IQCK: variants seen among roughly 807,000 people sequenced by gnomAD.
IQCK encodes the protein IQ motif containing K.
IQCK carries 29 observed loss-of-function variants against 28.1 expected under a neutral mutation model. The observed-to-expected ratio is 1.03, with a 90% CI of 0.77 to 1.41. The LOEUF (loss-of-function observed/expected upper bound fraction) is 1.41. Among genes scored for constraint, IQCK ranks in the 40% most tolerant of loss-of-function variants. The pLI is 0.00. For missense variants in IQCK, 359 were observed against 314.7 expected, an observed-to-expected ratio of 1.14 and a Z score of -1.07; for synonymous variants, 113 against 115.1, an observed-to-expected ratio of 0.98 and a Z score of 0.12.
At chr16:19,771,737 C>G (rs889269809) in intron 6 of IQCK, among the ~76,000 whole-genome samples, 1 of 151,992 alleles carries the variant, frequency 6.6e-6, no homozygotes, top group Non-Finnish European at 1.5e-5. Flanking sequence ...TGTAAGTATT[C>G]CTCTGAGACC....
At chr16:19,837,913 T>G (rs1314558013) in intron 9 of IQCK, among the ~76,000 whole-genome samples, 1 of 152,234 alleles carries the variant, frequency 6.6e-6, no homozygotes, top group East Asian at 1.9e-4. Context: ...GCGAGGCTCT[T>G]CTCACTAATG....
Position 19,753,461 on chromosome 16 carries a change from C to T in IQCK, c.475-10387C>T, listed in dbSNP as rs1210225457. On this transcript the variant is annotated intron_variant, in intron 4 of 7. Transcript: ENST00000564186. ...ATAAATAAATAAATAAACATACCTG[C>T]TTTGGAATAGGTCCTTGGAACTAGG... Among the ~76,000 whole-genome samples, 4 of 151,970 alleles carry T rather than the reference C, an allele frequency of 2.6e-5. 1 individual carries two copies. The highest frequency in any genetic ancestry group is 2.0e-4 in the Admixed American group (3 of 15,230).
intron 9 of IQCK, among the ~76,000 whole-genome samples, chr16:19,854,627 A>G (rs1427078018): frequency 1.3e-5 from 2 of 152,064 alleles, no homozygotes; most frequent in Admixed American, 1.3e-4. Context: ...TGACCTGTGT[A>G]CCTCCCTGGG....
At chr16:19,767,511 GTGCCTGTGC>G (rs1219189791) in intron 6 of IQCK, among the ~76,000 whole-genome samples, 3 of 152,064 alleles carry the variant, frequency 2.0e-5, no homozygotes, top group African/African-American at 7.2e-5. Flanking sequence ...GTCCTGCCAG[GTGCCTGTGC>G]CTGCCGTGTG....
chr16:19,727,362 G>A (rs1004434457), intron 1 of IQCK, among the ~76,000 whole-genome samples: 2 of 151,286 alleles, frequency 1.3e-5, no homozygotes, highest in East Asian at 2.0e-4. Context: ...CAAGGCGGGC[G>A]GATTGCCTGA....
chr16:19,847,051 C>T (rs1334776397), intron 9 of IQCK, among the ~76,000 whole-genome samples: 1 of 152,100 alleles, frequency 6.6e-6, no homozygotes, highest in Non-Finnish European at 1.5e-5. Flanking sequence ...TGACCTTGGG[C>T]ACGTTGCTTA....
At chr16:19,721,481 ACTT>A (rs1229076610) in intron 1 of IQCK, among the ~76,000 whole-genome samples, 3 of 152,014 alleles carry the variant, frequency 2.0e-5, no homozygotes, top group African/African-American at 7.3e-5. Context: ...GTGTCAATAA[ACTT>A]CTTCCCGGCC....
At chr16:19,723,508 G>A (rs1233790972) in intron 1 of IQCK, among the ~76,000 whole-genome samples, 1 of 152,218 alleles carries the variant, frequency 6.6e-6, no homozygotes, top group East Asian at 1.9e-4. Context: ...GCTTAGAAAG[G>A]TTAGGAAACT....
chr16:19,730,839 A>G (rs1977814246), intron 2 of IQCK, among the ~76,000 whole-genome samples: 2 of 152,212 alleles, frequency 1.3e-5, no homozygotes, highest in East Asian at 1.9e-4. Flanking sequence ...CAGTGGCACA[A>G]TCTCAGCTTG....
In IQCK at chr16:19,856,533, A is replaced by C. The variant is rs750164163; in HGVS notation, c.849A>C (p.Lys283Asn). The C allele has an allele frequency of 8.1e-6, 13 of 1,613,834 alleles. No individual in the cohort carries two copies. The South Asian group carries it at 1.1e-4, about 14-fold the overall frequency. Residue 283 changes from lysine to asparagine, a missense_variant, in exon 10 of 10, where the codon AAA becomes AAC. Transcript: ENST00000320394. ...ATGCAGTACCTGCAGCCAAGATGAA[A>C]ATTCCATCATCTTAACCATAGCTAA...
At chr16:19,833,540 C>G (rs192261716) in intron 9 of IQCK, among the ~76,000 whole-genome samples, 12 of 152,222 alleles carry the variant, frequency 7.9e-5, no homozygotes, top group Non-Finnish European at 2.9e-5. Context: ...GGAGCTGAGA[C>G]TTGATTTTTC....
chr16:19,728,179 A>G (rs1977719307), intron 1 of IQCK, among the ~76,000 whole-genome samples: 1 of 152,046 alleles, frequency 6.6e-6, no homozygotes, highest in South Asian at 2.1e-4. Context: ...GCCTTCTAAG[A>G]GTTGAGAGGG....
At chr16:19,746,768 G>T (rs2054918491) in intron 4 of IQCK, among the ~76,000 whole-genome samples, 1 of 152,172 alleles carries the variant, frequency 6.6e-6, no homozygotes, top group South Asian at 2.1e-4. Flanking sequence ...GAAGGGCAGT[G>T]GCTTTGTGGC....
At chr16:19,779,061 C>T (rs185372100) in intron 6 of IQCK, among the ~76,000 whole-genome samples, 1 of 152,136 alleles carries the variant, frequency 6.6e-6, no homozygotes, top group African/African-American at 2.4e-5. Context: ...TAGCTCACTG[C>T]AGCCTCGAAC....
intron 7 of IQCK, among the ~76,000 whole-genome samples, chr16:19,798,307 A>C (rs2055714322): frequency 9.4e-6 from 1 of 106,938 alleles, no homozygotes. Flanking sequence ...AATCCCAGCT[A>C]CTTGGGAGGC....
At chr16:19,723,159 C>A (rs1417898620) in intron 1 of IQCK, among the ~76,000 whole-genome samples, 1 of 138,138 alleles carries the variant, frequency 7.2e-6, no homozygotes, top group Non-Finnish European at 1.6e-5. Context: ...CAGGCCCTTA[C>A]CACCCCCTGC....
chr16:19,811,874 T>C (rs2055910212), intron 7 of IQCK, among the ~76,000 whole-genome samples: 1 of 152,210 alleles, frequency 6.6e-6, no homozygotes, highest in Admixed American at 6.5e-5. Context: ...ACCTTGGTTC[T>C]ACCTCACACA....
intron 4 of IQCK, among the ~76,000 whole-genome samples, chr16:19,746,052 C>T (rs1233272489): frequency 6.6e-6 from 1 of 151,794 alleles, no homozygotes; most frequent in Non-Finnish European, 1.5e-5. Context: ...GCCTGTAATC[C>T]CAGCTGCTCG....
intron 7 of IQCK, among the ~76,000 whole-genome samples, chr16:19,819,122 G>A (rs1348532843): frequency 1.3e-5 from 2 of 152,192 alleles, no homozygotes; most frequent in African/African-American, 2.4e-5. Context: ...GATGGTGAGT[G>A]TGTTAAGGCT....
Sources: allele counts gnomAD v4.1 joint callset (sites outside exome capture counted in the v4.1 genomes callset), GRCh38; gene constraint gnomAD v4.1.1; transcripts MANE v1.5; gene names NCBI Gene and HGNC (gene_info 2026-07-23, HGNC 2026-07-21).